The following RFC1 variants were observed in gnomAD, a reference collection of about 807,000 sequenced individuals.
RFC1 encodes the protein A1 140 kDa subunit.
Under a neutral mutation model 137.4 loss-of-function variants are expected in RFC1, and 37 were observed. The ratio of observed to expected loss-of-function variants is 0.27; its 90% CI spans 0.21 to 0.35. The LOEUF is 0.35. RFC1 is among the 10% of genes least tolerant of loss of function. The pLI is 1.00. For missense variants in RFC1, 1,205 were observed against 1,358.5 expected (o/e 0.89, Z 1.78); for synonymous variants, 429 against 455.7 (o/e 0.94, Z 0.75).
intron 4 of RFC1, among the ~76,000 whole-genome samples, chr4:39,329,364 C>T (rs1196082168): frequency 3.3e-5 from 5 of 151,162 alleles, no homozygotes; most frequent in Non-Finnish European, 7.4e-5. Flanking sequence ...GGGAGGCAGG[C>T]AGATCACTTC....
At chr4:39,358,162 C>T (rs909319846) in intron 1 of RFC1, among the ~76,000 whole-genome samples, 2 of 151,930 alleles carry the variant, frequency 1.3e-5, no homozygotes, top group African/African-American at 4.8e-5. Flanking sequence ...GTAATCCCAG[C>T]TACTAGGGAG....
At position 39,320,535 on chromosome 4, in the gene RFC1, C is replaced by A; in HGVS notation, c.943G>T (p.Ala315Ser). Residue 315 changes from alanine (A) to serine (S), a missense_variant, in exon 9 of 25, where the codon GCC (alanine) becomes TCC (serine). Physicochemically the swap from Ala to Ser is moderately conservative, Grantham distance 99 (BLOSUM62 1). Transcript: ENST00000349703. Reference sequence around the variant, plus strand: ...TTCATAATTGCCAGCTTAGAACTGGCCTTGGGAGAAGAGACTTCTCCTATT... The same window carrying A: ...TTCATAATTGCCAGCTTAGAACTGGACTTGGGAGAAGAGACTTCTCCTATT... Reference protein sequence around the residue: ...DKIGEVSSPKASSKLAIMKRK... With the variant: ...DKIGEVSSPKSSSKLAIMKRK... 1.2e-6 allele frequency: 2 copies of A among 1,613,412 alleles called. No individual in the cohort carries two copies. Among genetic ancestry groups the A allele is most frequent in the Non-Finnish European group, 8.5e-7 (1 of 1,179,886 alleles).
In RFC1 at chr4:39,302,733, A is replaced by C. The variant is rs773965559; in HGVS notation, c.2340+4T>G. The stretch of plus-strand genomic sequence containing the variant: ...TGATGGAAAAAAAATTTCAATCATC[A>C]TACCTTAATCTGTTCAACCCGAGGT... On this transcript the variant is annotated splice_donor_region_variant and intron_variant, in intron 17 of 24. Transcript: ENST00000349703. 1 of 1,566,820 alleles carries C rather than the reference A, an allele frequency of 6.4e-7. No individual in the cohort carries two copies. The highest frequency in any genetic ancestry group is 8.6e-7 in the Non-Finnish European group (1 of 1,163,576).
chr4:39,289,799 G>T, intron 24 of RFC1, 49 bp downstream of exon 24: 1 of 1,276,340 alleles, frequency 7.8e-7, no homozygotes, highest in Non-Finnish European at 1.1e-6. Flanking sequence ...ACCAGGCAAG[G>T]AAAGATCATC....
At chr4:39,348,444 GA>G (rs1171505030) in intron 2 of RFC1, among the ~76,000 whole-genome samples, 20 of 127,484 alleles carry the variant, frequency 1.6e-4, no homozygotes, top group Admixed American at 7.0e-4. Flanking sequence ...GAAAAGAAAA[GA>G]AAAGAAAAGA....
chr4:39,362,173 C>A (rs1216216290), intron 1 of RFC1, among the ~76,000 whole-genome samples: 1 of 152,190 alleles, frequency 6.6e-6, no homozygotes, highest in East Asian at 1.9e-4. Context: ...AAGACCTAAA[C>A]AAATGAAGGC....
intron 1 of RFC1, among the ~76,000 whole-genome samples, chr4:39,359,689 G>A (rs1357357033): frequency 6.6e-6 from 1 of 152,062 alleles, no homozygotes; most frequent in Non-Finnish European, 1.5e-5. Context: ...AGGCATGGTG[G>A]CGGGCGCCTG....
rs150822138 is a variant in RFC1, at chr4:39,300,351, C to G, written c.2599G>C (p.Val867Leu). 6.2e-7 allele frequency: 1 copy of G among 1,613,890 alleles called. No individual in the cohort carries two copies. The highest frequency in any genetic ancestry group is 8.5e-7 in the Non-Finnish European group (1 of 1,179,874). ...TGAAAAAAGAGATCTGACTTGTCCA[C>G]AAGTGACATGTGAGCAGTCTCCTCT... ...AGEETAHMSL[V>L]DKSDLFFHDY... The change falls in exon 20 of 25, where the codon GTG becomes CTG. Residue 867 changes from valine to leucine, a missense_variant. Coordinates refer to ENST00000349703, the MANE Select transcript of RFC1 (RefSeq NM_002913.5).
At position 39,294,648 on chromosome 4, in the gene RFC1, C is replaced by T. The variant is rs368638803; in HGVS notation, c.2954+966G>A. ...TCACACCACTGCACTCCAGCCTGGG[C>T]GACGCAGTGACACTCTGTCTCAATA... On this transcript the variant is annotated intron_variant, in intron 22 of 24. Transcript: ENST00000349703. Among the ~76,000 whole-genome samples the T allele has an allele frequency of 8.0e-4, 118 of 147,014 alleles. 1 individual carries two copies. The highest frequency in any genetic ancestry group is 2.7e-3 in the African/African-American group (107 of 39,666).
At chr4:39,355,463 G>A (rs1005363578) in intron 1 of RFC1, among the ~76,000 whole-genome samples, 21 of 151,868 alleles carry the variant, frequency 1.4e-4, no homozygotes, top group East Asian at 1.9e-4. Context: ...ACTTGTAAAA[G>A]GGTTCCTACA....
At chr4:39,361,464 T>C (rs941120073) in intron 1 of RFC1, among the ~76,000 whole-genome samples, 2 of 152,166 alleles carry the variant, frequency 1.3e-5, no homozygotes, top group African/African-American at 2.4e-5. Flanking sequence ...AAGTAAGCAG[T>C]TGGAGGGCTT....
chr4:39,297,850 G>A (rs1007508231), intron 21 of RFC1: 20 of 152,044 alleles, frequency 1.3e-4, no homozygotes, highest in Admixed American at 3.9e-4. Context: ...TTCTTCAAGA[G>A]GATTCATCAT....
chr4:39,294,202 T>A (rs1737849950), intron 22 of RFC1, among the ~76,000 whole-genome samples: 1 of 152,162 alleles, frequency 6.6e-6, no homozygotes, highest in South Asian at 2.1e-4. Context: ...AAAAGACTCA[T>A]GCCATAGGTT....
intron 22 of RFC1, among the ~76,000 whole-genome samples, chr4:39,294,950 C>T (rs1737904249): frequency 6.6e-6 from 1 of 152,186 alleles, no homozygotes; most frequent in South Asian, 2.1e-4. Context: ...ATGCAGTGAG[C>T]AGAGATCGCA....
At chr4:39,303,176 G>C (rs546677144) in intron 15 of RFC1, 25 bp from the exon 16 acceptor site, 1 of 1,523,378 alleles carries the variant, frequency 6.6e-7, no homozygotes, top group East Asian at 2.2e-5. Context: ...GGAGCAATGG[G>C]ATGAGACAAA....
At chr4:39,317,383 A>T (rs778646493) in intron 9 of RFC1, among the ~76,000 whole-genome samples, 5 of 152,198 alleles carry the variant, frequency 3.3e-5, no homozygotes, top group Non-Finnish European at 7.3e-5. Flanking sequence ...TAACGGGAAA[A>T]TACATTTTTT....
At chr4:39,345,577 G>A (rs1298667547) in intron 2 of RFC1, 101 bp from the exon 3 acceptor site, 20 of 895,620 alleles carry the variant, frequency 2.2e-5, no homozygotes, top group Middle Eastern at 3.6e-4. Context: ...CTGGAGCGCA[G>A]TGGCACGATC....
chr4:39,289,975 G>C lies in RFC1; in HGVS notation c.3233C>G (p.Ala1078Gly). The change falls in exon 24 of 25, where the codon GCT (alanine) becomes GGT (glycine). Residue 1078 changes from alanine to glycine, a missense_variant. By Grantham distance (60) the Ala-to-Gly change is moderately conservative. Coordinates refer to ENST00000349703, the MANE Select transcript of RFC1 (RefSeq NM_002913.5). ...TGTGCTGTGTCTAGATGCCTTTATA[G>C]CTTGAAGTGAGTATGGAGTAAGGTG... ...EAHLTPYSLQ[A>G]IKASRHSTSP... 1 of 1,613,656 alleles carries C rather than the reference G, an allele frequency of 6.2e-7. No homozygotes were observed. Among genetic ancestry groups the C allele is most frequent in the Non-Finnish European group, 8.5e-7 (1 of 1,179,634 alleles).
Position 39,320,628 on chromosome 4 carries a change from G to A in RFC1, c.850C>T (p.Pro284Ser), listed in dbSNP as rs1194812270. ...CTTTCATATTTACTTTGCTTCCTAGGACTGTAGCTCTTTCTTTCATCTGAA... is the reference window on the plus strand; with the variant it reads ...CTTTCATATTTACTTTGCTTCCTAGAACTGTAGCTCTTTCTTTCATCTGAA... The part of the protein sequence containing the change: ...QVSDERKSYS[P>S]RKQSKYESSK... The change falls in exon 9 of 25, where the codon CCT becomes TCT. Residue 284 changes from proline (P) to serine (S), a missense_variant. Around this residue, in one of 3 missense-constraint regions of RFC1, gnomAD observed 962 missense variants for 1,035.3 expected, o/e 0.93. Transcript: ENST00000349703. The A allele has an allele frequency of 1.2e-6, 2 of 1,601,082 alleles. No individual in the cohort carries two copies. Among genetic ancestry groups the A allele is most frequent in the South Asian group, 2.3e-5 (2 of 87,514 alleles).
Sources: allele counts gnomAD v4.1 joint callset (sites outside exome capture counted in the v4.1 genomes callset), GRCh38; gene constraint gnomAD v4.1.1; regional missense constraint gnomAD v4.1.1; transcripts MANE v1.5; gene names NCBI Gene and HGNC (gene_info 2026-07-23, HGNC 2026-07-21).